The following APPBP2 variants were observed in gnomAD, a reference collection of about 807,000 sequenced individuals.
APPBP2 encodes amyloid protein-binding protein 2.
A neutral mutation model predicts 76.0 loss-of-function variants in APPBP2; 15 were observed. The observed-to-expected ratio is 0.20, with a 90% CI of 0.13 to 0.30. The LOEUF is 0.30. Ranked by LOEUF, APPBP2 falls within the 10% of genes least tolerant of loss-of-function variation. APPBP2 has a pLI of 1.00. For synonymous variants in APPBP2, 222 were observed against 242.2 expected (o/e 0.92, Z 0.77); for missense variants, 401 against 687.2 (o/e 0.58, Z 4.66).
rs1187106043 is a variant in APPBP2 at position 60,443,961 on chromosome 17, T to C, written c.*3620A>G. On this transcript the variant is annotated 3_prime_UTR_variant, in exon 13 of 13. Coordinates refer to ENST00000083182, the MANE Select transcript of APPBP2 (RefSeq NM_006380.5). Reference sequence around the variant, plus strand: ...GCTGGAGATTAATCCAAATGTCATATTAACAACAAAAAATTTCCTAGCCAG... The same window carrying C: ...GCTGGAGATTAATCCAAATGTCATACTAACAACAAAAAATTTCCTAGCCAG... 6.6e-6 allele frequency: 1 copy of C among 152,320 alleles called. No individual in the cohort carries two copies. The highest frequency in any genetic ancestry group is 1.5e-5 in the Non-Finnish European group (1 of 67,992). 9.4% of individuals were successfully genotyped at this position (152,320 alleles called of 1,614,324 possible). A position where few individuals can be genotyped will look rare whatever the true frequency, so the allele number is the denominator to read the frequency against.
chr17:60,499,489 CAT>C (rs2090805021), intron 2 of APPBP2, among the ~76,000 whole-genome samples: 1 of 152,194 alleles, frequency 6.6e-6, no homozygotes, highest in Non-Finnish European at 1.5e-5. Context: ...GCCTGTACAA[CAT>C]AGTCAAACTA....
intron 3 of APPBP2, among the ~76,000 whole-genome samples, chr17:60,489,344 C>T (rs1260956670): frequency 2.0e-5 from 3 of 152,090 alleles, no homozygotes; most frequent in Admixed American, 6.6e-5. Context: ...GGCACGGTGC[C>T]TCAGGCCTGT....
chr17:60,473,691 T>C (rs1272608409), intron 4 of APPBP2, among the ~76,000 whole-genome samples: 2 of 152,162 alleles, frequency 1.3e-5, no homozygotes, highest in African/African-American at 4.8e-5. Context: ...ATTTAAATCT[T>C]TCCTTATACC....
chr17:60,494,625 A>G lies in APPBP2; in HGVS notation c.228-8T>C, dbSNP rs1414215488. On this transcript the variant is annotated splice_polypyrimidine_tract_variant and splice_region_variant and intron_variant, in intron 2 of 12. Coordinates refer to ENST00000083182, the MANE Select transcript of APPBP2 (RefSeq NM_006380.5). The stretch of plus-strand genomic sequence containing the variant: ...CAATGATGAAGCAAATGTCTGTAAG[A>G]AAAGAAAAAGATTATTTTATAGAGT... 1 of 1,570,852 alleles carries G rather than the reference A, an allele frequency of 6.4e-7. No individual in the cohort carries two copies. The highest frequency in any genetic ancestry group is 2.3e-5 in the East Asian group (1 of 44,136).
chr17:60,513,299 G>A (rs1182836312), intron 1 of APPBP2: 4 of 524,802 alleles, frequency 7.6e-6, no homozygotes, highest in Non-Finnish European at 1.4e-5. Context: ...GTATATTTGG[G>A]AAATATGGAC....
At chr17:60,482,193 C>T (rs144602104) in intron 3 of APPBP2, among the ~76,000 whole-genome samples, 1 of 152,064 alleles carries the variant, frequency 6.6e-6, no homozygotes, top group Non-Finnish European at 1.5e-5. Flanking sequence ...GTTACTACTT[C>T]GATTAAAAAC....
At chr17:60,495,729 A>C (rs1044290451) in intron 2 of APPBP2, among the ~76,000 whole-genome samples, 9 of 152,130 alleles carry the variant, frequency 5.9e-5, no homozygotes, top group African/African-American at 2.2e-4. Flanking sequence ...GCTGTGAAAA[A>C]GTGTAGTGGT....
rs545976078 is a variant in APPBP2, at chr17:60,454,195, C to T, written c.1338+107G>A. The T allele has an allele frequency of 1.6e-5, 13 of 830,124 alleles. No individual in the cohort carries two copies. The East Asian group carries it at 3.5e-4, about 23-fold the overall frequency. The allele number at this position is 830,124 out of a possible 1,614,324, so 51.4% of individuals were successfully genotyped here. A position where few individuals can be genotyped will look rare whatever the true frequency, so the allele number is the denominator to read the frequency against. ...TTTTATACTCACTATCTTCTCAATT[C>T]CTTTGTGCAATAAGTGTATAATTTA... On this transcript the variant is annotated intron_variant, in intron 11 of 12. Coordinates refer to ENST00000083182, the MANE Select transcript of APPBP2 (RefSeq NM_006380.5).
intron 1 of APPBP2, chr17:60,513,417 T>C: frequency 3.0e-6 from 2 of 666,678 alleles, no homozygotes; most frequent in South Asian, 3.2e-5. Context: ...CCTATCGGGA[T>C]TCAATTTTTG....
intron 2 of APPBP2, among the ~76,000 whole-genome samples, chr17:60,499,293 C>A (rs2143449622): frequency 6.6e-6 from 1 of 150,880 alleles, no homozygotes. Context: ...ACGAACATGC[C>A]ACTGAACTCC....
intron 6 of APPBP2, 137 bp downstream of exon 6, chr17:60,463,884 A>G: frequency 1.8e-6 from 1 of 542,998 alleles, no homozygotes; most frequent in Admixed American, 3.9e-5. Flanking sequence ...TCTAAAAATG[A>G]GCACAGAAAC....
chr17:60,463,805 T>C (rs2090491964), intron 6 of APPBP2, among the ~76,000 whole-genome samples: 1 of 152,236 alleles, frequency 6.6e-6, no homozygotes, highest in Non-Finnish European at 1.5e-5. Flanking sequence ...ATTATTTCAC[T>C]GGTTTTCTTG....
intron 2 of APPBP2, among the ~76,000 whole-genome samples, chr17:60,497,733 G>A (rs1009734820): frequency 6.6e-6 from 1 of 152,046 alleles, no homozygotes; most frequent in Non-Finnish European, 1.5e-5. Context: ...TAACAACTTG[G>A]TAAGATTCTT....
chr17:60,472,628 C>T (rs1055989383), intron 4 of APPBP2, among the ~76,000 whole-genome samples: 3 of 152,132 alleles, frequency 2.0e-5, no homozygotes, highest in African/African-American at 4.8e-5. Context: ...TGCTAGAGAA[C>T]GTGGAATCTG....
Position 60,454,294 on chromosome 17 carries a change from G to A in APPBP2, c.1338+8C>T. The A allele has an allele frequency of 6.5e-7, 1 of 1,537,656 alleles. No homozygotes were observed. The highest frequency in any genetic ancestry group is 1.3e-5 in the South Asian group (1 of 79,126). ...AGAGAGAAAAATATAGTAAAAACAT[G>A]TTTCTACCTTAAATTTTCTCATTGA... On this transcript the variant is annotated splice_region_variant and intron_variant, in intron 11 of 12. Coordinates refer to ENST00000083182, the MANE Select transcript of APPBP2 (RefSeq NM_006380.5).
chr17:60,450,305 GCGGGCACCTGTAGT>G (rs200791484), intron 12 of APPBP2, among the ~76,000 whole-genome samples: 3,268 of 151,840 alleles, frequency 0.022, 54 homozygotes, highest in Non-Finnish European at 0.033. Flanking sequence ...GGGCATGGTG[GCGGGCACCTGTAGT>G]CCCAGGTACT....
At chr17:60,491,067 T>C (rs1265876123) in intron 3 of APPBP2, among the ~76,000 whole-genome samples, 2 of 152,142 alleles carry the variant, frequency 1.3e-5, no homozygotes, top group Non-Finnish European at 2.9e-5. Context: ...CAGGCAAAGT[T>C]TGGAACAGTT....
chr17:60,491,054 T>A (rs1323744515), intron 3 of APPBP2, among the ~76,000 whole-genome samples: 1 of 152,126 alleles, frequency 6.6e-6, no homozygotes, highest in Non-Finnish European at 1.5e-5. Flanking sequence ...TGGAACTGGG[T>A]AACAGGCAAA....
intron 1 of APPBP2, among the ~76,000 whole-genome samples, chr17:60,510,632 C>T (rs1285819578): frequency 6.6e-6 from 1 of 151,894 alleles, no homozygotes; most frequent in Non-Finnish European, 1.5e-5. Flanking sequence ...GGGAGGTTTG[C>T]CTGAGCCTGG....
Sources: gnomAD v4.1 joint callset for allele counts (sites outside exome capture counted in the v4.1 genomes callset) on GRCh38, gnomAD v4.1.1 for gene constraint, MANE v1.5 for transcripts, NCBI Gene and HGNC (gene_info 2026-07-23, HGNC 2026-07-21) for gene names.